The following GPC5 variants were observed in gnomAD, a reference collection of about 807,000 sequenced individuals.
The protein encoded by GPC5 is glypican 5, also known as glypican-5.
GPC5 carries 47 observed loss-of-function variants against 53.9 expected under a neutral mutation model. The ratio of observed to expected loss-of-function variants is 0.87; its 90% CI spans 0.69 to 1.11. The LOEUF is 1.11. GPC5 is among the 50% of genes most tolerant of loss of function. The pLI, the probability that GPC5 is intolerant of heterozygous loss-of-function variation, is 0.00. For missense variants in GPC5, 748 were observed against 713.1 expected, an observed-to-expected ratio of 1.05 and a Z score of -0.56; for synonymous variants, 286 against 263.3, an observed-to-expected ratio of 1.09 and a Z score of -0.84.
At chr13:92,560,869 G>GTGTGTGTT (rs1324935114) in intron 7 of GPC5, among the ~76,000 whole-genome samples, 8 of 149,628 alleles carry the variant, frequency 5.3e-5, no homozygotes, top group Non-Finnish European at 1.2e-4. Context: ...GTGTGTGTGT[G>GTGTGTGTT]TGTGTGTGTG....
intron 6 of GPC5, among the ~76,000 whole-genome samples, chr13:91,972,614 C>T (rs926840843): frequency 6.6e-6 from 1 of 152,128 alleles, no homozygotes; most frequent in African/African-American, 2.4e-5. Flanking sequence ...CCGGTTGTTC[C>T]TTTCCATGTT....
At chr13:92,379,394 C>T (rs1303560955) in intron 7 of GPC5, among the ~76,000 whole-genome samples, 1 of 152,146 alleles carries the variant, frequency 6.6e-6, no homozygotes, top group East Asian at 1.9e-4. Context: ...GTCCTGATTC[C>T]TCCATTGTTG....
intron 5 of GPC5, among the ~76,000 whole-genome samples, chr13:91,872,372 GA>G (rs1240180212): frequency 1.3e-5 from 2 of 152,120 alleles, no homozygotes; most frequent in Admixed American, 6.6e-5. Context: ...AAGAGCCTTG[GA>G]AACATTTAGG....
At chr13:91,847,254 A>T (rs571748518) in intron 5 of GPC5, among the ~76,000 whole-genome samples, 8 of 151,754 alleles carry the variant, frequency 5.3e-5, no homozygotes, top group Non-Finnish European at 1.0e-4. Flanking sequence ...GGGTGTGAAA[A>T]TATCGTTGAT....
chr13:91,994,135 T>C (rs753459548), intron 6 of GPC5, among the ~76,000 whole-genome samples: 9 of 152,160 alleles, frequency 5.9e-5, no homozygotes, highest in Non-Finnish European at 1.0e-4. Flanking sequence ...AGTGGTGTGT[T>C]CAGAGGAATA....
At chr13:92,017,728 CAT>C (rs1036251494) in intron 6 of GPC5, among the ~76,000 whole-genome samples, 8 of 152,156 alleles carry the variant, frequency 5.3e-5, no homozygotes, top group Admixed American at 3.3e-4. Context: ...TACACACACA[CAT>C]GCACAAGTAC....
chr13:91,746,227 C>T (rs986062415), intron 4 of GPC5, among the ~76,000 whole-genome samples: 1 of 152,118 alleles, frequency 6.6e-6, no homozygotes, highest in African/African-American at 2.4e-5. Context: ...TGCCTCAGGC[C>T]ATTAACTAGC....
chr13:92,058,774 C>T (rs1424340052), intron 6 of GPC5, among the ~76,000 whole-genome samples: 1 of 152,070 alleles, frequency 6.6e-6, no homozygotes, highest in Non-Finnish European at 1.5e-5. Flanking sequence ...GAGCTCCTGA[C>T]CTCAGGTGAT....
At chr13:91,875,133 T>C (rs1287778567) in intron 5 of GPC5, among the ~76,000 whole-genome samples, 2 of 152,180 alleles carry the variant, frequency 1.3e-5, no homozygotes, top group African/African-American at 4.8e-5. Context: ...CTTGTGTCTC[T>C]AAGGTTTGGT....
intron 7 of GPC5, among the ~76,000 whole-genome samples, chr13:92,269,567 G>T (rs901569840): frequency 6.6e-6 from 1 of 151,984 alleles, no homozygotes; most frequent in Non-Finnish European, 1.5e-5. Flanking sequence ...CACCATGCCC[G>T]GCTAAGTTTC....
chr13:92,170,554 TGGCTG>T (rs1169221228), intron 7 of GPC5, among the ~76,000 whole-genome samples: 2 of 150,476 alleles, frequency 1.3e-5, no homozygotes, highest in Non-Finnish European at 2.9e-5. Flanking sequence ...GCCTCCTGAG[TGGCTG>T]GGATTCTAGG....
intron 7 of GPC5, among the ~76,000 whole-genome samples, chr13:92,629,584 T>C (rs896571313): frequency 2.6e-5 from 4 of 152,218 alleles, no homozygotes; most frequent in African/African-American, 9.6e-5. Flanking sequence ...CATTTTCGAA[T>C]ATATAATCAT....
intron 5 of GPC5, among the ~76,000 whole-genome samples, chr13:91,831,110 A>G (rs2038652894): frequency 7.0e-6 from 1 of 142,446 alleles, no homozygotes; most frequent in South Asian, 2.1e-4. Context: ...TATATATAAT[A>G]TGAATGTATA....
intron 5 of GPC5, among the ~76,000 whole-genome samples, chr13:91,825,199 CAA>C (rs1413529078): frequency 6.6e-6 from 1 of 151,602 alleles, no homozygotes; most frequent in Non-Finnish European, 1.5e-5. Flanking sequence ...TAGAGAATAT[CAA>C]AAGAGTATGA....
chr13:91,659,483 C>T (rs1259894032), intron 2 of GPC5, among the ~76,000 whole-genome samples: 1 of 152,170 alleles, frequency 6.6e-6, no homozygotes, highest in Non-Finnish European at 1.5e-5. Context: ...GCTCTGCTTA[C>T]ATGTCCCTAA....
chr13:92,259,061 T>A (rs893637333), intron 7 of GPC5, among the ~76,000 whole-genome samples: 1 of 152,228 alleles, frequency 6.6e-6, no homozygotes, highest in Non-Finnish European at 1.5e-5. Context: ...TGCTTGATTA[T>A]TTTGACAATA....
rs149566479 is a variant in GPC5 at position 91,488,523 on chromosome 13, T to C, written c.325+39601T>C. On this transcript the variant is annotated intron_variant, in intron 2 of 7. Transcript: ENST00000377067. The stretch of plus-strand genomic sequence containing the variant: ...TGTTAGTTCCCCAAATTAATACTTT[T>C]ATAATTTCTTATGCCTGTCATTACT... 9.5e-3 allele frequency among the ~76,000 whole-genome samples: 1,441 copies of C among 152,322 alleles called. 27 individuals carry two copies. The highest frequency in any genetic ancestry group is 0.033 in the African/African-American group (1,377 of 41,560).
chr13:91,871,014 C>T (rs2039138139), intron 5 of GPC5, among the ~76,000 whole-genome samples: 1 of 152,210 alleles, frequency 6.6e-6, no homozygotes, highest in African/African-American at 2.4e-5. Context: ...GTTTCACATA[C>T]ACCTGATATA....
intron 6 of GPC5, among the ~76,000 whole-genome samples, chr13:92,103,413 A>T (rs535026765): frequency 6.6e-6 from 1 of 152,150 alleles, no homozygotes; most frequent in African/African-American, 2.4e-5. Flanking sequence ...GCATATATAC[A>T]TGGTATTCTA....
Sources: allele counts gnomAD v4.1 joint callset (sites outside exome capture counted in the v4.1 genomes callset), GRCh38; gene constraint gnomAD v4.1.1; transcripts MANE v1.5; gene names NCBI Gene and HGNC (gene_info 2026-07-23, HGNC 2026-07-21).